Variants in EIF2AK1 observed in about 807,000 individuals in gnomAD.
EIF2AK1 encodes the protein eukaryotic translation initiation factor 2-alpha kinase 1.
A neutral mutation model predicts 77.9 loss-of-function variants in EIF2AK1; 54 were observed. The observed-to-expected ratio is 0.69, with a 90% CI of 0.56 to 0.87. The LOEUF is 0.87. EIF2AK1 is among the 40% of genes least tolerant of loss of function. The pLI, the probability that EIF2AK1 is intolerant of heterozygous loss-of-function variation, is 0.00. For synonymous variants in EIF2AK1, 314 were observed against 290.5 expected (o/e 1.08, Z -0.82); for missense variants, 810 against 768.6 (o/e 1.05, Z -0.64).
chr7:6,023,287 T>C lies in EIF2AK1; in HGVS notation c.*1386A>G, dbSNP rs747211702. On this transcript the variant is annotated 3_prime_UTR_variant, in exon 15 of 15. Coordinates refer to ENST00000199389, the MANE Select transcript of EIF2AK1 (RefSeq NM_014413.4). ...GCTGCTCTGGTGATGCTACCTGGCG[T>C]GTTTTTTCTTTTCAGTGCCGAAGAC... 2 of 1,573,816 alleles carry C rather than the reference T, an allele frequency of 1.3e-6. No individual in the cohort carries two copies. Among genetic ancestry groups the C allele is most frequent in the Non-Finnish European group, 1.7e-6 (2 of 1,164,028 alleles).
At position 6,024,203 on chromosome 7, in the gene EIF2AK1, G is replaced by T; in HGVS notation, c.*470C>A. On this transcript the variant is annotated 3_prime_UTR_variant, in exon 15 of 15. Coordinates refer to ENST00000199389, the MANE Select transcript of EIF2AK1 (RefSeq NM_014413.4). ...AGCTTTTATCTTAGAGGCAGCAGAA[G>T]GTTTGGAGCCAAGGAATGAAATGAT... The T allele has an allele frequency of 8.1e-7, 1 of 1,240,846 alleles. No homozygotes were observed. The highest frequency in any genetic ancestry group is 1.0e-6 in the Non-Finnish European group (1 of 965,436). 76.9% of individuals were successfully genotyped at this position (1,240,846 alleles called of 1,614,324 possible). A position where few individuals can be genotyped will look rare whatever the true frequency, so the allele number is the denominator to read the frequency against.
At position 6,035,837 on chromosome 7, in the gene EIF2AK1, C is replaced by T. The variant is rs1335234338; in HGVS notation, c.1332+1587G>A. 1 of 1,548,748 alleles carries T rather than the reference C, an allele frequency of 6.5e-7. No homozygotes were observed. Among genetic ancestry groups the T allele is most frequent in the Non-Finnish European group, 8.7e-7 (1 of 1,145,516 alleles). ...ACTGTGCTGTCTCTTCCACGGGGAA[C>T]ACGCCCCTGAAGCTTGCAGTGTGCA... On this transcript the variant is annotated intron_variant, in intron 11 of 14. Coordinates refer to ENST00000199389, the MANE Select transcript of EIF2AK1 (RefSeq NM_014413.4). The surrounding 1 kb of genome is among the most constrained non-coding windows in gnomAD (Gnocchi z 5.5).
Position 6,058,948 on chromosome 7 carries a change from C to T in EIF2AK1, c.118+18G>A. 1 of 1,509,712 alleles carries T rather than the reference C, an allele frequency of 6.6e-7. No individual in the cohort carries two copies. The highest frequency in any genetic ancestry group is 8.9e-7 in the Non-Finnish European group (1 of 1,129,296). 93.5% of individuals were successfully genotyped at this position (1,509,712 alleles called of 1,614,324 possible). On this transcript the variant is annotated intron_variant, in intron 1 of 14. Coordinates refer to ENST00000199389, the MANE Select transcript of EIF2AK1 (RefSeq NM_014413.4). ...GACAGAGAGAGCAGAGCGGCGACGC[C>T]GCGATCCGATCCCTCACCGTCATAT...
At position 6,032,992 on chromosome 7, in the gene EIF2AK1, G is replaced by A. The variant is rs1188962110; in HGVS notation, c.1333-3960C>T. ...TTTTTTTCTTTTTTGTTTTGAGGCA[G>A]GGGTCTCGCTCTGTTGCCCAGGCTG... On this transcript the variant is annotated intron_variant, in intron 11 of 14. Coordinates refer to ENST00000199389, the MANE Select transcript of EIF2AK1 (RefSeq NM_014413.4). This position sits in a 1 kb window ranked among gnomAD's most constrained non-coding sequence, Gnocchi z 4.3. 5.5e-6 allele frequency: 8 copies of A among 1,443,156 alleles called. No homozygotes were observed. Among genetic ancestry groups the A allele is most frequent in the Non-Finnish European group, 7.5e-6 (8 of 1,059,920 alleles). 89.4% of individuals were successfully genotyped at this position (1,443,156 alleles called of 1,614,324 possible).
rs1397320988 is a variant in EIF2AK1, at chr7:6,028,638, C to T, written c.1507G>A (p.Glu503Lys). The change falls in exon 13 of 15, where the codon GAA becomes AAA. Residue 503 changes from glutamate (E) to lysine (K), a missense_variant. Around this residue, in one of 3 missense-constraint regions of EIF2AK1, gnomAD observed 549 missense variants for 533.7 expected, o/e 1.03. Coordinates refer to ENST00000199389, the MANE Select transcript of EIF2AK1 (RefSeq NM_014413.4). ...ACCTTGGCATCATACTCAGATCCTTCCAACTGTTCGGGTGAAGCGTACAGA... is the reference window on the plus strand; with the variant it reads ...ACCTTGGCATCATACTCAGATCCTTTCAACTGTTCGGGTGAAGCGTACAGA... ...TCLYASPEQL[E>K]GSEYDAKSDM... 1 of 1,614,204 alleles carries T rather than the reference C, an allele frequency of 6.2e-7. No individual in the cohort carries two copies. Among genetic ancestry groups the T allele is most frequent in the Non-Finnish European group, 8.5e-7 (1 of 1,180,020 alleles).
At position 6,036,006 on chromosome 7, in the gene EIF2AK1, A is replaced by G. The variant is rs1445993782; in HGVS notation, c.1332+1418T>C. The stretch of plus-strand genomic sequence containing the variant: ...GGCATGCTTTGGAGGCAGAGAGGCA[A>G]TCATCAATCTCCTGCTTGAATTTGA... On this transcript the variant is annotated intron_variant, in intron 11 of 14. Transcript: ENST00000199389. This position sits in a 1 kb window ranked among gnomAD's most constrained non-coding sequence, Gnocchi z 4.6. The G allele has an allele frequency of 3.2e-6, 5 of 1,551,020 alleles. No individual in the cohort carries two copies. The highest frequency in any genetic ancestry group is 2.7e-5 in the African/African-American group (2 of 73,042).
At chr7:6,028,271 G>C (rs1169008621) in intron 13 of EIF2AK1, among the ~76,000 whole-genome samples, 2 of 146,128 alleles carry the variant, frequency 1.4e-5, no homozygotes, top group African/African-American at 5.1e-5. Flanking sequence ...TTTTTTTTGA[G>C]ATGGAGTTTT....
rs540159818 is a variant in EIF2AK1, at chr7:6,047,403, G to C, written c.450-312C>G. Among the ~76,000 whole-genome samples the C allele has an allele frequency of 1.5e-4, 23 of 152,216 alleles. No homozygotes were observed. The Middle Eastern group carries it at 0.024, about 158-fold the overall frequency. ...ATTTACTGAAATTTCAGCTGGGCAT[G>C]GTGGCTCACGCCTGTAATCCCAGCA... On this transcript the variant is annotated intron_variant, in intron 4 of 14. Transcript: ENST00000199389.
chr7:6,049,085 T>A (rs1788524403), intron 3 of EIF2AK1, among the ~76,000 whole-genome samples: 1 of 152,132 alleles, frequency 6.6e-6, no homozygotes, highest in Non-Finnish European at 1.5e-5. Flanking sequence ...CCACCCCTCC[T>A]GCCTGCCCAC....
Position 6,035,763 on chromosome 7 carries a change from C to T in EIF2AK1, c.1332+1661G>A. The T allele has an allele frequency of 6.4e-7, 1 of 1,551,130 alleles. No individual in the cohort carries two copies. The highest frequency in any genetic ancestry group is 2.4e-5 in the East Asian group (1 of 40,930). On this transcript the variant is annotated intron_variant, in intron 11 of 14. Coordinates refer to ENST00000199389, the MANE Select transcript of EIF2AK1 (RefSeq NM_014413.4). This position sits in a 1 kb window ranked among gnomAD's most constrained non-coding sequence, Gnocchi z 5.5. ...ACCCCTTCACATGGCCGCAAACATG[C>T]TGAATAAGGAGATGATGGAAACGCT...
intron 14 of EIF2AK1, 27 bp from the exon 15 acceptor site, chr7:6,024,828 C>A: frequency 5.8e-6 from 8 of 1,382,946 alleles, no homozygotes; most frequent in Non-Finnish European, 5.8e-6. Flanking sequence ...TTTTAAACTC[C>A]ATTAAAATAA....
intron 3 of EIF2AK1, 38 bp downstream of exon 3, chr7:6,049,874 A>C: frequency 1.3e-6 from 2 of 1,559,102 alleles, no homozygotes; most frequent in Non-Finnish European, 1.7e-6. Context: ...ATTAAAGTAT[A>C]TTTTTGTCAT....
chr7:6,035,478 C>A lies in EIF2AK1; in HGVS notation c.1332+1946G>T. On this transcript the variant is annotated intron_variant, in intron 11 of 14. Transcript: ENST00000199389. This position sits in a 1 kb window ranked among gnomAD's most constrained non-coding sequence, Gnocchi z 5.5. ...AGGCCTCACCACACTCAACTTAATG[C>A]TACTGCACTGGCCAGTCACTTCCAC... is the stretch of plus-strand genomic sequence containing the variant. The A allele has an allele frequency of 6.4e-7, 1 of 1,550,910 alleles. No individual in the cohort carries two copies. The highest frequency in any genetic ancestry group is 8.7e-7 in the Non-Finnish European group (1 of 1,147,052).
rs1583484248 is a variant in EIF2AK1, at chr7:6,036,542, T to C, written c.1332+882A>G. 6.6e-6 allele frequency among the ~76,000 whole-genome samples: 1 copy of C among 152,050 alleles called. No individual in the cohort carries two copies. Among genetic ancestry groups the C allele is most frequent in the Non-Finnish European group, 1.5e-5 (1 of 68,024 alleles). Reference sequence around the variant, plus strand: ...AACATGTTCCAAAATACAAAGTGATTTGTCTATTAACATTTTTGTTCCTAG... The same window carrying C: ...AACATGTTCCAAAATACAAAGTGATCTGTCTATTAACATTTTTGTTCCTAG... On this transcript the variant is annotated intron_variant, in intron 11 of 14. Coordinates refer to ENST00000199389, the MANE Select transcript of EIF2AK1 (RefSeq NM_014413.4). The surrounding 1 kb of genome is among the most constrained non-coding windows in gnomAD (Gnocchi z 4.6).
At chr7:6,025,887 C>T (rs1463781933) in intron 14 of EIF2AK1, among the ~76,000 whole-genome samples, 1 of 152,142 alleles carries the variant, frequency 6.6e-6, no homozygotes, top group African/African-American at 2.4e-5. Flanking sequence ...CCCACCTCTG[C>T]CTCCCAAAAT....
Position 6,026,743 on chromosome 7 carries a change from G to A in EIF2AK1, c.1749C>T (p.Phe583=), listed in dbSNP as rs1374347789. 6 of 1,613,916 alleles carry A rather than the reference G, an allele frequency of 3.7e-6. No individual in the cohort carries two copies. The Admixed American group carries it at 1.0e-4, about 27-fold the overall frequency. ...SAIQLLQSEL[F]QNSGNVNLTL... is the part of the protein sequence containing the mutation. ...AAGCACATACATTTCCAGAATTTTG[G>A]AAAAGTTCACTCTGCAGCAGCTGAA... Residue 583 remains phenylalanine, a synonymous_variant, in exon 14 of 15, where the codon TTC becomes TTT. Transcript: ENST00000199389.
chr7:6,040,579 T>C (rs1482638552), intron 9 of EIF2AK1, among the ~76,000 whole-genome samples: 1 of 152,204 alleles, frequency 6.6e-6, no homozygotes, highest in East Asian at 1.9e-4. Context: ...TGCATAAATA[T>C]ATCTTTATAG....
At chr7:6,028,433 G>GT (rs1787812306) in intron 13 of EIF2AK1, among the ~76,000 whole-genome samples, 182 bp downstream of exon 13, 1 of 152,166 alleles carries the variant, frequency 6.6e-6, no homozygotes. Flanking sequence ...TGTATTTTTA[G>GT]TAGAGACCAG....
Position 6,033,398 on chromosome 7 carries a change from A to G in EIF2AK1, c.1332+4026T>C, listed in dbSNP as rs957255649. ...AACCAATGTCTTTACTGAGTAGATGAGATACTCTGAAAAACTGAGAAAAAT... is the reference window on the plus strand; with the variant it reads ...AACCAATGTCTTTACTGAGTAGATGGGATACTCTGAAAAACTGAGAAAAAT... On this transcript the variant is annotated intron_variant, in intron 11 of 14. Transcript: ENST00000199389. The surrounding 1 kb of genome is among the most constrained non-coding windows in gnomAD (Gnocchi z 4.4). 6.6e-6 allele frequency among the ~76,000 whole-genome samples: 1 copy of G among 152,140 alleles called. No individual in the cohort carries two copies. Among genetic ancestry groups the G allele is most frequent in the African/African-American group, 2.4e-5 (1 of 41,422 alleles).
Sources: gnomAD v4.1 joint callset for allele counts (sites outside exome capture counted in the v4.1 genomes callset) on GRCh38, gnomAD v4.1.1 for gene constraint, gnomAD v4.1.1 regional missense constraint, Gnocchi (gnomAD v3.1) non-coding constraint, MANE v1.5 for transcripts, NCBI Gene and HGNC (gene_info 2026-07-23, HGNC 2026-07-21) for gene names.